The following STOX2 variants were observed in gnomAD, a reference collection of about 807,000 sequenced individuals.
The protein encoded by STOX2 is storkhead-box protein 2.
In STOX2, 28 loss-of-function variants were observed where a neutral mutation model predicts 60.9. The ratio of observed to expected loss-of-function variants is 0.46; its 90% CI spans 0.34 to 0.63. The LOEUF is 0.63. Among genes scored for constraint, STOX2 ranks in the 30% least tolerant of loss-of-function variants. The pLI is 0.01. For synonymous variants in STOX2, 472 were observed against 463.9 expected, an observed-to-expected ratio of 1.02 and a Z score of -0.22; for missense variants, 1,024 against 1,187.7, an observed-to-expected ratio of 0.86 and a Z score of 2.03.
chr4:183,898,048 A>G (rs1741376293), intron 1 of STOX2, among the ~76,000 whole-genome samples: 1 of 152,196 alleles, frequency 6.6e-6, no homozygotes, highest in Admixed American at 6.5e-5. Context: ...ATATTTTATC[A>G]TCTATCTTAT....
chr4:183,800,321 G>T (rs1399969343), intron 1 of STOX2, among the ~76,000 whole-genome samples: 3 of 152,244 alleles, frequency 2.0e-5, no homozygotes, highest in South Asian at 2.1e-4. Context: ...CTGGCGGGGG[G>T]CCGGGGCGGT....
At chr4:183,799,994 A>G (rs1178994022) in intron 1 of STOX2, among the ~76,000 whole-genome samples, 1 of 152,106 alleles carries the variant, frequency 6.6e-6, no homozygotes, top group African/African-American at 2.4e-5. Context: ...CTTAAAGCCC[A>G]AGCATCAGAT....
At chr4:183,922,561 G>T (rs1435768709) in intron 1 of STOX2, among the ~76,000 whole-genome samples, 2 of 151,944 alleles carry the variant, frequency 1.3e-5, no homozygotes, top group Admixed American at 1.3e-4. Flanking sequence ...GGCCAGGCTG[G>T]TCTTGAACTC....
intron 1 of STOX2, among the ~76,000 whole-genome samples, chr4:183,882,686 C>T (rs991523850): frequency 1.3e-5 from 2 of 152,176 alleles, no homozygotes; most frequent in African/African-American, 4.8e-5. Context: ...TCCTTTTAAG[C>T]GGGCTTCATA....
In STOX2 at chr4:183,935,772, G is replaced by T. The variant is rs77842028; in HGVS notation, c.166+28816G>T. Among the ~76,000 whole-genome samples the T allele has an allele frequency of 3.7e-3, 566 of 152,316 alleles. 14 individuals carry two copies. The East Asian group carries it at 0.043, about 12-fold the overall frequency. On this transcript the variant is annotated intron_variant, in intron 1 of 3. Coordinates refer to ENST00000308497, the MANE Select transcript of STOX2 (RefSeq NM_020225.3). ...TAACTGACATTGTGCCTGGGACTAA[G>T]GAGTACTCAGAAACTGCTAGTTTTC... is the stretch of plus-strand genomic sequence containing the variant.
At chr4:183,798,779 C>T in intron 1 of STOX2, 1 of 985,422 alleles carries the variant, frequency 1.0e-6, no homozygotes, top group Non-Finnish European at 1.2e-6. Flanking sequence ...AGGTCGCCGC[C>T]GCGTTTCCAG....
intron 1 of STOX2, among the ~76,000 whole-genome samples, chr4:183,960,998 C>A (rs189103042): frequency 3.0e-4 from 45 of 152,304 alleles, no homozygotes; most frequent in African/African-American, 8.9e-4. Flanking sequence ...GAGCTACACC[C>A]CTCAGCCCTA....
rs1455963183 is a variant in STOX2 at position 184,021,373 on chromosome 4, G to A, written c.*4089G>A. On this transcript the variant is annotated 3_prime_UTR_variant, in exon 4 of 4. Transcript: ENST00000308497. ...ATCATGAGAAATCACAAAATACAAT[G>A]CTATTTTTCTGATGTGTGCTAATAA... 1 of 151,762 alleles carries A rather than the reference G, an allele frequency of 6.6e-6. No individual in the cohort carries two copies. The highest frequency in any genetic ancestry group is 1.5e-5 in the Non-Finnish European group (1 of 67,964). The allele number at this position is 151,762 out of a possible 1,614,324, so 9.4% of individuals were successfully genotyped here.
At chr4:183,818,992 C>T (rs1739232242) in intron 1 of STOX2, among the ~76,000 whole-genome samples, 1 of 151,886 alleles carries the variant, frequency 6.6e-6, no homozygotes, top group Admixed American at 6.6e-5. Context: ...CGATGGGTGG[C>T]CGGGCAGAGA....
At chr4:184,013,352 A>G (rs964513928) in intron 3 of STOX2, among the ~76,000 whole-genome samples, 2 of 152,218 alleles carry the variant, frequency 1.3e-5, no homozygotes, top group Non-Finnish European at 2.9e-5. Context: ...TATGACTGGG[A>G]TTATTTCTTG....
intron 1 of STOX2, among the ~76,000 whole-genome samples, chr4:183,991,149 C>T (rs890107743): frequency 6.6e-6 from 1 of 152,136 alleles, no homozygotes; most frequent in Non-Finnish European, 1.5e-5. Context: ...TATTTCCCAT[C>T]TCCTAGTGCC....
rs529880601 is a variant in STOX2, at chr4:183,958,537, T to G, written c.167-42788T>G. ...CTGCTTTTCCAACTTCCAAAATTAT[T>G]TCATGACTTATCTGCTTTCATCTTC... On this transcript the variant is annotated intron_variant, in intron 1 of 3. Coordinates refer to ENST00000308497, the MANE Select transcript of STOX2 (RefSeq NM_020225.3). 4.6e-5 allele frequency among the ~76,000 whole-genome samples: 7 copies of G among 152,276 alleles called. No individual in the cohort carries two copies. In the South Asian group the frequency reaches 1.5e-3, roughly 32 times the overall value.
At chr4:183,993,604 A>G (rs1240321909) in intron 1 of STOX2, among the ~76,000 whole-genome samples, 1 of 152,240 alleles carries the variant, frequency 6.6e-6, no homozygotes, top group African/African-American at 2.4e-5. Flanking sequence ...GCATTAGGAA[A>G]CATTTTTAAA....
chr4:183,856,311 A>G lies in STOX2; in HGVS notation c.364+58256A>G, dbSNP rs758991409. Among the ~76,000 whole-genome samples the G allele has an allele frequency of 5.9e-5, 9 of 152,194 alleles. No homozygotes were observed. Among genetic ancestry groups the G allele is most frequent in the Non-Finnish European group, 1.3e-4 (9 of 68,024 alleles). ...AAAATCTGCACCATTAATTAAAGAA[A>G]TGGCATGGGCTACACTAACAGAAGA... On this transcript the variant is annotated intron_variant, in intron 1 of 2. Coordinates refer to the STOX2 transcript ENST00000513034. This position sits in a 1 kb window ranked among gnomAD's most constrained non-coding sequence, Gnocchi z 4.0.
chr4:183,894,947 TA>T (rs1304532493), intron 1 of STOX2, among the ~76,000 whole-genome samples: 1 of 152,180 alleles, frequency 6.6e-6, no homozygotes, highest in African/African-American at 2.4e-5. Context: ...TAAGACATCC[TA>T]AAAATTGGGG....
chr4:183,798,112 C>G (rs891900375), intron 1 of STOX2: 6 of 1,217,096 alleles, frequency 4.9e-6, no homozygotes, highest in Non-Finnish European at 6.1e-6. Context: ...GCGTCCGTGC[C>G]GTGCGGTCGC....
At chr4:183,874,678 A>C (rs10030959) in intron 1 of STOX2, among the ~76,000 whole-genome samples, 11 of 150,586 alleles carry the variant, frequency 7.3e-5, no homozygotes, top group Non-Finnish European at 1.6e-4. Context: ...TGTAATCCCA[A>C]CACTTTGGGA....
At position 183,865,014 on chromosome 4, in the gene STOX2, T is replaced by A. The variant is rs1740532196; in HGVS notation, c.364+66959T>A. Among the ~76,000 whole-genome samples, 1 of 152,176 alleles carries A rather than the reference T, an allele frequency of 6.6e-6. No homozygotes were observed. Among genetic ancestry groups the A allele is most frequent in the South Asian group, 2.1e-4 (1 of 4,820 alleles). ...GTATGAAAGATCACAGTTCTCCAAA[T>A]CCCAGTTACCCTGGGAACACCTTCC... On this transcript the variant is annotated intron_variant, in intron 1 of 2. Coordinates refer to the STOX2 transcript ENST00000513034. This position sits in a 1 kb window ranked among gnomAD's most constrained non-coding sequence, Gnocchi z 4.1.
chr4:183,928,196 G>A (rs550498617), intron 1 of STOX2, among the ~76,000 whole-genome samples: 7 of 132,148 alleles, frequency 5.3e-5, no homozygotes, highest in African/African-American at 8.5e-5. Context: ...TGTCTTTCAC[G>A]TGGGTGAGGA....
Sources: gnomAD v4.1 joint callset for allele counts (sites outside exome capture counted in the v4.1 genomes callset) on GRCh38, gnomAD v4.1.1 for gene constraint, Gnocchi (gnomAD v3.1) non-coding constraint, MANE v1.5 for transcripts, NCBI Gene and HGNC (gene_info 2026-07-23, HGNC 2026-07-21) for gene names.